The following TEAD1 variants were observed in gnomAD, a reference collection of about 807,000 sequenced individuals.
The protein encoded by TEAD1 is TEA domain transcription factor 1, also known as transcriptional enhancer factor TEF-1.
A neutral mutation model predicts 54.9 loss-of-function variants in TEAD1; 9 were observed. The ratio of observed to expected loss-of-function variants is 0.16; its 90% CI spans 0.10 to 0.29. TEAD1 has a LOEUF of 0.29. Among genes scored for constraint, TEAD1 ranks in the 10% least tolerant of loss-of-function variants. The probability of loss-of-function intolerance (pLI) is 1.00; values close to 1 mark genes in which losing one functional copy is unlikely to be tolerated. For missense variants in TEAD1, 387 were observed against 535.9 expected (o/e 0.72, Z 2.74); for synonymous variants, 200 against 187.8 (o/e 1.07, Z -0.53).
At chr11:12,745,983 G>C (rs1381488315) in intron 2 of TEAD1, among the ~76,000 whole-genome samples, 1 of 152,166 alleles carries the variant, frequency 6.6e-6, no homozygotes, top group Non-Finnish European at 1.5e-5. Flanking sequence ...ATCTTTTCTT[G>C]TAGCTGGGCC....
chr11:12,844,204 C>A (rs1165385635), intron 3 of TEAD1, among the ~76,000 whole-genome samples: 2 of 152,058 alleles, frequency 1.3e-5, no homozygotes, highest in African/African-American at 4.8e-5. Flanking sequence ...AATTTAGTTA[C>A]AAGGTCTTTA....
chr11:12,932,416 G>GT (rs980912533), intron 12 of TEAD1, among the ~76,000 whole-genome samples: 1 of 151,938 alleles, frequency 6.6e-6, no homozygotes, highest in Non-Finnish European at 1.5e-5. Context: ...GCCTCTCTTG[G>GT]GGGGGAGTCT....
At chr11:12,896,660 A>G (rs1948320316) in intron 9 of TEAD1, among the ~76,000 whole-genome samples, 1 of 152,232 alleles carries the variant, frequency 6.6e-6, no homozygotes, top group Admixed American at 6.5e-5. Context: ...ATGCTAATTT[A>G]GTTCATGTGA....
intron 2 of TEAD1, among the ~76,000 whole-genome samples, chr11:12,698,258 G>A (rs1007474485): frequency 6.6e-6 from 1 of 152,086 alleles, no homozygotes; most frequent in African/African-American, 2.4e-5. Flanking sequence ...TGGCTGAAAT[G>A]CTTCCTGCCA....
chr11:12,912,020 T>G (rs992342698), intron 10 of TEAD1, among the ~76,000 whole-genome samples: 1 of 152,064 alleles, frequency 6.6e-6, no homozygotes, highest in Non-Finnish European at 1.5e-5. Flanking sequence ...CTAAAGAAAT[T>G]GCTGTGCATT....
intron 3 of TEAD1, among the ~76,000 whole-genome samples, chr11:12,853,865 G>A (rs1338845922): frequency 6.6e-6 from 1 of 152,144 alleles, no homozygotes; most frequent in African/African-American, 2.4e-5. Context: ...ACACTCACTG[G>A]CAGGGATATG....
At chr11:12,841,198 G>C (rs1486562304) in intron 3 of TEAD1, among the ~76,000 whole-genome samples, 2 of 152,228 alleles carry the variant, frequency 1.3e-5, no homozygotes, top group African/African-American at 2.4e-5. Context: ...CTGTGGCTCT[G>C]CCTCTTTTCC....
At chr11:12,883,895 T>A (rs2134100758) in intron 9 of TEAD1, among the ~76,000 whole-genome samples, 1 of 151,528 alleles carries the variant, frequency 6.6e-6, no homozygotes, top group East Asian at 1.9e-4. Context: ...CTCAGGAGGC[T>A]GAGGCAGGAT....
At chr11:12,717,052 A>G (rs115399543) in intron 2 of TEAD1, among the ~76,000 whole-genome samples, 1,900 of 152,298 alleles carry the variant, frequency 0.012, 42 homozygotes, top group African/African-American at 0.044. Flanking sequence ...TGCTGTACAG[A>G]GAAAGGTTCC....
intron 3 of TEAD1, among the ~76,000 whole-genome samples, chr11:12,846,200 TTGTC>T (rs1050548764): frequency 2.2e-4 from 34 of 152,304 alleles, no homozygotes; most frequent in African/African-American, 6.7e-4. Context: ...TGCAGGAAGA[TTGTC>T]TGAACAAAAT....
intron 10 of TEAD1, among the ~76,000 whole-genome samples, chr11:12,910,747 C>CTTTTTTTTTTTTTTTTTTTT (rs5789752): frequency 8.3e-6 from 1 of 119,934 alleles, no homozygotes; most frequent in Non-Finnish European, 1.7e-5. Flanking sequence ...ACTTAATTTG[C>CTTTTTTTTTTTTTTTTTTTT]TTTTTTTTTT....
chr11:12,812,221 G>C (rs1946317225), intron 3 of TEAD1, among the ~76,000 whole-genome samples: 1 of 152,134 alleles, frequency 6.6e-6, no homozygotes, highest in African/African-American at 2.4e-5. Context: ...GATGGTAGGG[G>C]AAATGACCCT....
intron 9 of TEAD1, among the ~76,000 whole-genome samples, chr11:12,899,198 G>A (rs1165872447): frequency 6.6e-6 from 1 of 152,182 alleles, no homozygotes. Context: ...CGCTAGAATG[G>A]ACAGAAGCGG....
intron 5 of TEAD1, among the ~76,000 whole-genome samples, chr11:12,866,640 G>A (rs924120635): frequency 1.3e-5 from 2 of 152,180 alleles, no homozygotes; most frequent in Non-Finnish European, 2.9e-5. Flanking sequence ...CTCTTTTGGG[G>A]CAGGCACAAG....
chr11:12,822,196 C>G (rs538589045), intron 3 of TEAD1, among the ~76,000 whole-genome samples: 1 of 152,042 alleles, frequency 6.6e-6, no homozygotes, highest in Admixed American at 6.5e-5. Flanking sequence ...ATCTCCTGAC[C>G]CATTATCCGC....
chr11:12,812,327 T>C (rs77620196), intron 3 of TEAD1, among the ~76,000 whole-genome samples: 3,498 of 152,200 alleles, frequency 0.023, 139 homozygotes, highest in African/African-American at 0.08. Flanking sequence ...GAGTACATCA[T>C]AGCATGCATG....
intron 9 of TEAD1, among the ~76,000 whole-genome samples, chr11:12,898,290 A>G (rs1018258687): frequency 1.3e-4 from 20 of 152,168 alleles, no homozygotes; most frequent in African/African-American, 4.8e-4. Context: ...CAGGAGGGAT[A>G]GCAAAAGCAG....
At chr11:12,854,785 A>C (rs1161124845) in intron 3 of TEAD1, among the ~76,000 whole-genome samples, 1 of 141,452 alleles carries the variant, frequency 7.1e-6, no homozygotes, top group African/African-American at 2.7e-5. Context: ...TTTTTAAGAG[A>C]TAGGGTCTCA....
intron 2 of TEAD1, among the ~76,000 whole-genome samples, chr11:12,681,183 C>G (rs946231503): frequency 2.1e-4 from 32 of 152,090 alleles, no homozygotes; most frequent in African/African-American, 7.7e-4. Flanking sequence ...CATGTATTGT[C>G]ATTGAGAGAA....
Sources: gnomAD v4.1 joint callset for allele counts (sites outside exome capture counted in the v4.1 genomes callset) on GRCh38, gnomAD v4.1.1 for gene constraint, MANE v1.5 for transcripts, NCBI Gene and HGNC (gene_info 2026-07-23, HGNC 2026-07-21) for gene names.